Variants in ANKFN1 observed in about 807,000 individuals in gnomAD.
ANKFN1 encodes the protein ankyrin repeat and fibronectin type-III domain-containing protein 1.
ANKFN1 carries 74 observed loss-of-function variants against 108.7 expected under a neutral mutation model. The ratio of observed to expected loss-of-function variants is 0.68; its 90% CI spans 0.56 to 0.83. The LOEUF (loss-of-function observed/expected upper bound fraction) is 0.83. Among genes scored for constraint, ANKFN1 ranks in the 40% least tolerant of loss-of-function variants. The pLI, the probability that ANKFN1 is intolerant of heterozygous loss-of-function variation, is 0.00. For synonymous variants in ANKFN1, 547 were observed against 516.2 expected, an observed-to-expected ratio of 1.06 and a Z score of -0.81; for missense variants, 1,505 against 1,382.3, an observed-to-expected ratio of 1.09 and a Z score of -1.41.
intron 3 of ANKFN1, among the ~76,000 whole-genome samples, chr17:56,297,376 A>C (rs188340694): frequency 6.6e-6 from 1 of 152,274 alleles, no homozygotes; most frequent in East Asian, 1.9e-4. Context: ...GAGGATGAGA[A>C]AAGGGCAGGA....
chr17:56,140,443 C>T (rs1168961604), intron 4 of ANKFN1, among the ~76,000 whole-genome samples: 8 of 152,170 alleles, frequency 5.3e-5, no homozygotes, highest in African/African-American at 1.9e-4. Flanking sequence ...TTCATTATGT[C>T]TTTCCCTTTC....
intron 4 of ANKFN1, among the ~76,000 whole-genome samples, chr17:56,046,612 G>A (rs2060070): frequency 0.38 from 57,620 of 151,988 alleles, 14,068 homozygotes; most frequent in African/African-American, 0.7. Context: ...ACTGTCCAGA[G>A]GAGCTTTCCC....
intron 4 of ANKFN1, among the ~76,000 whole-genome samples, chr17:56,110,711 C>A (rs896124394): frequency 2.0e-5 from 3 of 152,242 alleles, no homozygotes; most frequent in African/African-American, 7.2e-5. Flanking sequence ...CTTTGAACTC[C>A]TTCCTTTAAA....
At chr17:56,280,583 T>A (rs76207805) in intron 3 of ANKFN1, among the ~76,000 whole-genome samples, 3,115 of 152,276 alleles carry the variant, frequency 0.02, 122 homozygotes, top group African/African-American at 0.07. Context: ...TGGCATATTG[T>A]GGGACTTCTC....
chr17:56,411,806 G>A (rs1231686747), intron 8 of ANKFN1, among the ~76,000 whole-genome samples: 1 of 152,068 alleles, frequency 6.6e-6, no homozygotes, highest in Non-Finnish European at 1.5e-5. Flanking sequence ...ATTTATATAT[G>A]TTGAAATCCC....
rs138786336 is a variant in ANKFN1, at chr17:56,512,222, T to C, written c.*953T>C. On this transcript the variant is annotated 3_prime_UTR_variant, in exon 21 of 21. Coordinates refer to ENST00000682825, the MANE Select transcript of ANKFN1 (RefSeq NM_001370326.1). The stretch of plus-strand genomic sequence containing the variant: ...GGATCAGCTCCAGATTCTTTGGTGA[T>C]GAAATTGTCATTGAACCAGAAAGTG... Among the ~76,000 whole-genome samples the C allele has an allele frequency of 6.6e-6, 1 of 152,340 alleles. No individual in the cohort carries two copies. Among genetic ancestry groups the C allele is most frequent in the East Asian group, 1.9e-4 (1 of 5,188 alleles).
chr17:56,288,386 A>G (rs1598356704), intron 3 of ANKFN1, among the ~76,000 whole-genome samples: 1 of 151,898 alleles, frequency 6.6e-6, no homozygotes, highest in African/African-American at 2.4e-5. Context: ...GCTGAACAAT[A>G]TATCTTGAGA....
rs1416245383 is a variant in ANKFN1 at position 56,500,188 on chromosome 17, CAT to C, written c.2644+1094_2644+1095del. Among the ~76,000 whole-genome samples the C allele has an allele frequency of 2.0e-5, 3 of 152,260 alleles. No homozygotes were observed. The East Asian group carries it at 5.8e-4, about 29-fold the overall frequency. On this transcript the variant is annotated intron_variant, in intron 20 of 20. Transcript: ENST00000682825. Reference sequence around the variant, plus strand: ...GGTAAACTATATCAATGATGCATGTCATATAATAGACAATATATTGTCAATAC... The same window carrying C: ...GGTAAACTATATCAATGATGCATGTCATAATAGACAATATATTGTCAATAC...
intron 3 of ANKFN1, among the ~76,000 whole-genome samples, chr17:56,249,625 T>C (rs1009597307): frequency 6.6e-6 from 1 of 152,078 alleles, no homozygotes; most frequent in Admixed American, 6.6e-5. Context: ...TTTCTATGAA[T>C]AGACAGCTAG....
intron 1 of ANKFN1, among the ~76,000 whole-genome samples, chr17:56,174,756 C>T (rs1189540447): frequency 1.3e-5 from 2 of 152,198 alleles, no homozygotes; most frequent in African/African-American, 4.8e-5. Flanking sequence ...AGATTGATCT[C>T]CCTAGCGGAG....
intron 3 of ANKFN1, among the ~76,000 whole-genome samples, chr17:56,256,094 G>C (rs1026711628): frequency 6.6e-6 from 1 of 152,150 alleles, no homozygotes; most frequent in Non-Finnish European, 1.5e-5. Context: ...CCTGCCCCAA[G>C]AGTGGCCATT....
At chr17:56,219,443 T>A (rs1598260590) in intron 2 of ANKFN1, among the ~76,000 whole-genome samples, 1 of 152,042 alleles carries the variant, frequency 6.6e-6, no homozygotes, top group Non-Finnish European at 1.5e-5. Flanking sequence ...GATGGGATTT[T>A]ACCATGTTGG....
At chr17:56,216,858 A>G (rs1598256438) in intron 2 of ANKFN1, among the ~76,000 whole-genome samples, 1 of 152,354 alleles carries the variant, frequency 6.6e-6, no homozygotes, top group South Asian at 2.1e-4. Flanking sequence ...TCAGCAACCC[A>G]TGGGATAATT....
At chr17:56,423,903 A>G (rs1384416975) in intron 8 of ANKFN1, among the ~76,000 whole-genome samples, 1 of 152,196 alleles carries the variant, frequency 6.6e-6, no homozygotes, top group Non-Finnish European at 1.5e-5. Flanking sequence ...TCACCCACCA[A>G]TCTTAATGAT....
chr17:56,480,052 T>C (rs2050641947), intron 16 of ANKFN1, among the ~76,000 whole-genome samples: 1 of 152,192 alleles, frequency 6.6e-6, no homozygotes, highest in Non-Finnish European at 1.5e-5. Context: ...TTAGGAAGGA[T>C]TATAGAGCAT....
chr17:56,252,382 G>A (rs2043254332), intron 3 of ANKFN1: 1 of 152,160 alleles, frequency 6.6e-6, no homozygotes, highest in Non-Finnish European at 1.5e-5. Context: ...TGTATTTCTA[G>A]TCCAGTTGCA....
intron 2 of ANKFN1, among the ~76,000 whole-genome samples, chr17:56,217,070 G>C (rs1915475710): frequency 6.6e-6 from 1 of 152,122 alleles, no homozygotes. Flanking sequence ...ACCCACATCA[G>C]GACTTTAGGA....
At chr17:56,470,978 C>G (rs994794333) in intron 15 of ANKFN1, among the ~76,000 whole-genome samples, 3 of 152,192 alleles carry the variant, frequency 2.0e-5, no homozygotes, top group Admixed American at 6.5e-5. Context: ...TCCCTAGAAG[C>G]CTCACATGCA....
intron 18 of ANKFN1, among the ~76,000 whole-genome samples, chr17:56,489,776 C>T (rs181972202): frequency 2.0e-5 from 3 of 152,000 alleles, no homozygotes; most frequent in Non-Finnish European, 2.9e-5. Context: ...AGACACTTCA[C>T]TCTTGTCACT....
Sources: gnomAD v4.1 joint callset for allele counts (sites outside exome capture counted in the v4.1 genomes callset) on GRCh38, gnomAD v4.1.1 for gene constraint, MANE v1.5 for transcripts, NCBI Gene and HGNC (gene_info 2026-07-23, HGNC 2026-07-21) for gene names.